The following RETREG1 variants were observed in gnomAD, a reference collection of about 807,000 sequenced individuals.
RETREG1 encodes reticulophagy regulator 1.
In RETREG1, 44 loss-of-function variants were observed where a neutral mutation model predicts 54.8. The ratio of observed to expected loss-of-function variants is 0.80; its 90% CI spans 0.63 to 1.03. The LOEUF is 1.03. Ranked by LOEUF, RETREG1 falls within the 50% of genes least tolerant of loss-of-function variation. The pLI is 0.00. For missense variants in RETREG1, 554 were observed against 605.1 expected (o/e 0.92, Z 0.89); for synonymous variants, 217 against 238.5 (o/e 0.91, Z 0.83).
At chr5:16,541,751 A>AGGAAGGAAGGAG (rs1741255527) in intron 3 of RETREG1, among the ~76,000 whole-genome samples, 1 of 103,466 alleles carries the variant, frequency 9.7e-6, no homozygotes, top group Non-Finnish European at 1.9e-5. Context: ...GAAGGAAGGA[A>AGGAAGGAAGGAG]GGAAGGAAGG....
intron 3 of RETREG1, among the ~76,000 whole-genome samples, chr5:16,560,852 T>A (rs1178228330): frequency 3.3e-5 from 5 of 152,130 alleles, no homozygotes; most frequent in Admixed American, 3.3e-4. Context: ...TATCGAATCA[T>A]CAAAGAAATT....
At chr5:16,575,392 C>T (rs918086058) in intron 1 of RETREG1, among the ~76,000 whole-genome samples, 1 of 152,194 alleles carries the variant, frequency 6.6e-6, no homozygotes, top group African/African-American at 2.4e-5. Context: ...CTAGCACAGA[C>T]AGAAAGCTCC....
chr5:16,486,487 T>C (rs1739024787), intron 3 of RETREG1, among the ~76,000 whole-genome samples: 1 of 152,248 alleles, frequency 6.6e-6, no homozygotes, highest in Admixed American at 6.5e-5. Context: ...CAGAATTAGA[T>C]AATTTGTCAT....
chr5:16,497,638 T>C (rs1439597596), intron 3 of RETREG1, among the ~76,000 whole-genome samples: 1 of 152,152 alleles, frequency 6.6e-6, no homozygotes, highest in African/African-American at 2.4e-5. Flanking sequence ...TATAAGGTCT[T>C]TGAAAGTTTA....
intron 1 of RETREG1, among the ~76,000 whole-genome samples, chr5:16,590,689 A>G (rs1271295778): frequency 1.3e-5 from 2 of 152,170 alleles, no homozygotes; most frequent in African/African-American, 2.4e-5. Flanking sequence ...TTTACAAATA[A>G]GAAAACTAAA....
rs1351483444 is a variant in RETREG1 at position 16,478,899 on chromosome 5, C to A, written c.759G>T (p.Leu253=). ...TAATATATTCTCCAATTCCAAAATC[C>A]AGTTTCAGCAGAACTGACTTAATTT... The part of the protein sequence containing the change: ...YSKIKSVLLK[L]DFGIGEYINQ... The change falls in exon 6 of 9, where the codon CTG becomes CTT. Residue 253 remains leucine, a synonymous_variant. Coordinates refer to ENST00000306320, the MANE Select transcript of RETREG1 (RefSeq NM_001034850.3). The A allele has an allele frequency of 1.2e-6, 2 of 1,612,372 alleles. No individual in the cohort carries two copies. The highest frequency in any genetic ancestry group is 1.7e-6 in the Non-Finnish European group (2 of 1,178,924).
At chr5:16,504,193 C>T (rs547187261) in intron 3 of RETREG1, among the ~76,000 whole-genome samples, 4 of 152,184 alleles carry the variant, frequency 2.6e-5, no homozygotes, top group African/African-American at 9.7e-5. Context: ...CCGAGGATAA[C>T]GGCTTCCAGC....
intron 1 of RETREG1, among the ~76,000 whole-genome samples, chr5:16,581,563 AC>A (rs1176233067): frequency 2.1e-5 from 3 of 141,304 alleles, no homozygotes; most frequent in African/African-American, 7.7e-5. Context: ...ACACACACAC[AC>A]AAAACACACA....
chr5:16,482,078 G>A (rs181326269), intron 4 of RETREG1, among the ~76,000 whole-genome samples: 7 of 152,034 alleles, frequency 4.6e-5, no homozygotes, highest in Admixed American at 3.9e-4. Flanking sequence ...TCATTCTTCG[G>A]TACAGAGTTA....
chr5:16,577,443 C>T (rs1327689996), intron 1 of RETREG1, among the ~76,000 whole-genome samples: 2 of 152,028 alleles, frequency 1.3e-5, no homozygotes, highest in Non-Finnish European at 2.9e-5. Context: ...TCAGAGGCTA[C>T]AAGGGGTGAC....
At chr5:16,572,295 C>G (rs577695262) in intron 1 of RETREG1, among the ~76,000 whole-genome samples, 193 bp from the exon 2 acceptor site, 1 of 151,676 alleles carries the variant, frequency 6.6e-6, no homozygotes, top group Non-Finnish European at 1.5e-5. Context: ...TCACTGCAAC[C>G]TCTGCCTCCC....
intron 3 of RETREG1, among the ~76,000 whole-genome samples, chr5:16,543,814 T>C (rs1448577961): frequency 6.6e-6 from 1 of 152,154 alleles, no homozygotes; most frequent in African/African-American, 2.4e-5. Flanking sequence ...CTTTTTTCCA[T>C]TTCATCCATT....
At chr5:16,604,494 G>A (rs1340334733) in intron 1 of RETREG1, among the ~76,000 whole-genome samples, 1 of 152,244 alleles carries the variant, frequency 6.6e-6, no homozygotes, top group Non-Finnish European at 1.5e-5. Context: ...CCACGAAATT[G>A]TCAAAAGAAG....
chr5:16,608,906 A>G (rs959333050), intron 1 of RETREG1, among the ~76,000 whole-genome samples: 11 of 152,184 alleles, frequency 7.2e-5, no homozygotes, highest in Admixed American at 6.5e-4. Context: ...AGTAAGCCCT[A>G]ATAGTCTCCT....
chr5:16,501,872 A>C (rs1425388761), intron 3 of RETREG1, among the ~76,000 whole-genome samples: 1 of 150,738 alleles, frequency 6.6e-6, no homozygotes, highest in Non-Finnish European at 1.5e-5. Context: ...AGAGCACAAG[A>C]GAGCACCAGA....
intron 1 of RETREG1, among the ~76,000 whole-genome samples, chr5:16,573,137 G>A (rs538738069): frequency 8.3e-5 from 10 of 120,014 alleles, no homozygotes; most frequent in East Asian, 2.8e-4. Context: ...AGCCAAGATC[G>A]CACCACTGCA....
intron 8 of RETREG1, among the ~76,000 whole-genome samples, chr5:16,477,052 A>G (rs1300750246): frequency 2.0e-5 from 3 of 152,184 alleles, no homozygotes; most frequent in Non-Finnish European, 4.4e-5. Context: ...GTGTAGGATT[A>G]GCGTCTATCT....
rs142762091 is a variant in RETREG1 at position 16,473,450 on chromosome 5, A to T, written c.*1291T>A. 6.5e-6 allele frequency: 1 copy of T among 152,726 alleles called. No individual in the cohort carries two copies. The highest frequency in any genetic ancestry group is 6.5e-5 in the Admixed American group (1 of 15,302). 9.5% of individuals were successfully genotyped at this position (152,726 alleles called of 1,614,324 possible). A position where few individuals can be genotyped will look rare whatever the true frequency, so the allele number is the denominator to read the frequency against. On this transcript the variant is annotated 3_prime_UTR_variant, in exon 9 of 9. Coordinates refer to ENST00000306320, the MANE Select transcript of RETREG1 (RefSeq NM_001034850.3). ...ATAAAATGAAAGGAAGAGAACACAG[A>T]TTTCCTATATTCTTGGATTATCCTT...
intron 2 of RETREG1, among the ~76,000 whole-genome samples, chr5:16,569,104 C>T (rs1187176542): frequency 6.6e-6 from 1 of 152,070 alleles, no homozygotes; most frequent in Non-Finnish European, 1.5e-5. Flanking sequence ...ACTGATTCAT[C>T]GCAGCAGCAG....
Sources: allele counts gnomAD v4.1 joint callset (sites outside exome capture counted in the v4.1 genomes callset), GRCh38; gene constraint gnomAD v4.1.1; transcripts MANE v1.5; gene names NCBI Gene and HGNC (gene_info 2026-07-23, HGNC 2026-07-21).